ARHGAP31: variants seen among roughly 807,000 people sequenced by gnomAD.
ARHGAP31 encodes Rho GTPase activating protein 31.
ARHGAP31 carries 34 observed loss-of-function variants against 113.9 expected under a neutral mutation model. The observed-to-expected ratio is 0.30, with a 90% CI of 0.23 to 0.40. ARHGAP31 has a LOEUF of 0.40. Among genes scored for constraint, ARHGAP31 ranks in the 10% least tolerant of loss-of-function variants. The pLI, the probability that ARHGAP31 is intolerant of heterozygous loss-of-function variation, is 1.00. For missense variants in ARHGAP31, 1,548 were observed against 1,767.1 expected (o/e 0.88, Z 2.22); for synonymous variants, 650 against 684.8 (o/e 0.95, Z 0.79).
In ARHGAP31 at chr3:119,409,783, T is replaced by C; in HGVS notation, c.1926+7T>C. 1 of 1,594,582 alleles carries C rather than the reference T, an allele frequency of 6.3e-7. No individual in the cohort carries two copies. The highest frequency in any genetic ancestry group is 8.5e-7 in the Non-Finnish European group (1 of 1,170,982). ...TGTGCTTCTCCATGAGATGGTAAAGTGCATTCTCCACCTGCTCCAGCCAGG... is the reference window on the plus strand; with the variant it reads ...TGTGCTTCTCCATGAGATGGTAAAGCGCATTCTCCACCTGCTCCAGCCAGG... On this transcript the variant is annotated splice_region_variant and intron_variant, in intron 11 of 11. Coordinates refer to ENST00000264245, the MANE Select transcript of ARHGAP31 (RefSeq NM_020754.4).
chr3:119,352,003 C>A (rs1323742915), intron 1 of ARHGAP31, among the ~76,000 whole-genome samples: 2 of 152,160 alleles, frequency 1.3e-5, no homozygotes, highest in Non-Finnish European at 2.9e-5. Flanking sequence ...TTTCTGTCCT[C>A]CATCAGCAGC....
intron 10 of ARHGAP31, among the ~76,000 whole-genome samples, chr3:119,407,794 G>A (rs1190045792): frequency 6.6e-6 from 1 of 152,178 alleles, no homozygotes; most frequent in East Asian, 1.9e-4. Flanking sequence ...CAGGGGGACT[G>A]GTAGAGTAGC....
Position 119,415,815 on chromosome 3 carries a change from A to G in ARHGAP31, c.3886A>G (p.Asn1296Asp). The change falls in exon 12 of 12, where the codon AAC becomes GAC. Residue 1296 changes from asparagine (N) to aspartate (D), a missense_variant. By Grantham distance (23) the Asn-to-Asp change is conservative. Transcript: ENST00000264245. ...PTLSPEPGSSNLLSTQDAVVQ... is the reference protein window; with the variant it reads ...PTLSPEPGSSDLLSTQDAVVQ... Reference sequence around the variant, plus strand: ...CCTTTCTCCAGAACCAGGCTCGTCTAACCTGCTCTCCACCCAGGATGCAGT... The same window carrying G: ...CCTTTCTCCAGAACCAGGCTCGTCTGACCTGCTCTCCACCCAGGATGCAGT... 1 of 1,614,260 alleles carries G rather than the reference A, an allele frequency of 6.2e-7. No homozygotes were observed. Among genetic ancestry groups the G allele is most frequent in the Non-Finnish European group, 8.5e-7 (1 of 1,180,050 alleles).
intron 1 of ARHGAP31, among the ~76,000 whole-genome samples, chr3:119,364,157 T>C (rs1167889338): frequency 6.9e-6 from 1 of 145,076 alleles, no homozygotes; most frequent in East Asian, 2.1e-4. Flanking sequence ...AGGCAGGAAC[T>C]CAGGAGGCCC....
intron 1 of ARHGAP31, among the ~76,000 whole-genome samples, chr3:119,351,622 G>A (rs60405179): frequency 0.3 from 43,559 of 147,260 alleles, 7,479 homozygotes; most frequent in African/African-American, 0.5. Flanking sequence ...GAAAAAAAAA[G>A]AGAGGTGGCC....
At chr3:119,295,837 AG>A (rs1468481220) in intron 1 of ARHGAP31, among the ~76,000 whole-genome samples, 1 of 152,208 alleles carries the variant, frequency 6.6e-6, no homozygotes, top group East Asian at 1.9e-4. Flanking sequence ...AACACCATCT[AG>A]ATTACAATAA....
At chr3:119,338,176 T>C (rs2079975394) in intron 1 of ARHGAP31, among the ~76,000 whole-genome samples, 2 of 152,248 alleles carry the variant, frequency 1.3e-5, no homozygotes, top group African/African-American at 2.4e-5. Flanking sequence ...ATAAATATTG[T>C]ATCAACATGG....
In ARHGAP31 at chr3:119,409,596, C is replaced by T. The variant is rs552509149; in HGVS notation, c.1746C>T (p.Ala582=). Residue 582 remains alanine (A), a synonymous_variant, in exon 11 of 12, where the codon GCC becomes GCT. Coordinates refer to ENST00000264245, the MANE Select transcript of ARHGAP31 (RefSeq NM_020754.4). ...CSKGLSQEPG[A]HLEEKKTPES... is the part of the protein sequence containing the mutation. ...AAGGCCTGTCCCAGGAGCCAGGCGC[C>T]CACCTGGAGGAGAAGAAAACCCCAG... 9 of 1,614,038 alleles carry T rather than the reference C, an allele frequency of 5.6e-6. No homozygotes were observed. Among genetic ancestry groups the T allele is most frequent in the South Asian group, 3.3e-5 (3 of 91,064 alleles).
intron 3 of ARHGAP31, among the ~76,000 whole-genome samples, chr3:119,372,729 A>C (rs2080308804): frequency 6.6e-6 from 1 of 152,224 alleles, no homozygotes; most frequent in Admixed American, 6.5e-5. Context: ...CTCATTATAA[A>C]TATTATTTCA....
At chr3:119,322,610 C>G (rs2079798900) in intron 1 of ARHGAP31, 1 of 152,952 alleles carries the variant, frequency 6.5e-6, no homozygotes, top group Non-Finnish European at 1.5e-5. Flanking sequence ...CCTCAGCCTC[C>G]CACCTTGGTG....
intron 6 of ARHGAP31, among the ~76,000 whole-genome samples, chr3:119,389,780 A>G (rs1305817736): frequency 2.0e-5 from 3 of 152,382 alleles, no homozygotes; most frequent in Middle Eastern, 3.4e-3. Flanking sequence ...GAGTCTTTTT[A>G]CTATTTCAGA....
At chr3:119,348,268 T>C (rs941366721) in intron 1 of ARHGAP31, among the ~76,000 whole-genome samples, 44 of 152,380 alleles carry the variant, frequency 2.9e-4, no homozygotes, top group African/African-American at 1.1e-3. Context: ...TATTACAATG[T>C]AATAATAATA....
chr3:119,372,747 C>A (rs2080308947), intron 3 of ARHGAP31, among the ~76,000 whole-genome samples: 1 of 152,080 alleles, frequency 6.6e-6, no homozygotes, highest in South Asian at 2.1e-4. Flanking sequence ...TCATTTAATT[C>A]TCAAAATAAC....
intron 1 of ARHGAP31, among the ~76,000 whole-genome samples, chr3:119,321,548 A>G (rs1035069213): frequency 1.7e-4 from 26 of 150,252 alleles, no homozygotes; most frequent in Non-Finnish European, 2.7e-4. Context: ...GTGTGTGTGT[A>G]TATATATATT....
At chr3:119,304,659 T>C (rs1422445206) in intron 1 of ARHGAP31, among the ~76,000 whole-genome samples, 1 of 135,582 alleles carries the variant, frequency 7.4e-6, no homozygotes, top group East Asian at 2.1e-4. Flanking sequence ...AACCAGCTGA[T>C]AATAACAAGA....
chr3:119,355,993 C>T (rs77862479), intron 1 of ARHGAP31, among the ~76,000 whole-genome samples: 2,851 of 152,158 alleles, frequency 0.019, 85 homozygotes, highest in African/African-American at 0.063. Context: ...CTCATTGTCC[C>T]CAAGGAGCTC....
At chr3:119,365,515 A>T in intron 2 of ARHGAP31, 97 bp downstream of exon 2, 1 of 1,072,630 alleles carries the variant, frequency 9.3e-7, no homozygotes, top group East Asian at 2.5e-5. Flanking sequence ...AACCCAAAGG[A>T]ACTGAGGGAA....
At chr3:119,399,723 G>A (rs1313291853) in intron 9 of ARHGAP31, among the ~76,000 whole-genome samples, 1 of 152,180 alleles carries the variant, frequency 6.6e-6, no homozygotes, top group Admixed American at 6.5e-5. Context: ...TTTTCAGTTG[G>A]TAGGTTCATT....
At chr3:119,368,568 C>A in intron 3 of ARHGAP31, 52 bp downstream of exon 3, 1 of 1,601,678 alleles carries the variant, frequency 6.2e-7, no homozygotes, top group African/African-American at 1.3e-5. Context: ...ATGGATGGGC[C>A]AAGAAGAGTT....
Sources: allele counts gnomAD v4.1 joint callset (sites outside exome capture counted in the v4.1 genomes callset), GRCh38; gene constraint gnomAD v4.1.1; transcripts MANE v1.5; gene names NCBI Gene and HGNC (gene_info 2026-07-23, HGNC 2026-07-21).